The following LARS2 variants were observed in gnomAD, a reference collection of about 807,000 sequenced individuals.
LARS2 encodes leucine--tRNA ligase, mitochondrial.
Under a neutral mutation model 116.6 loss-of-function variants are expected in LARS2, and 81 were observed. That is an observed-to-expected ratio of 0.69 (90% CI 0.58 to 0.84). The LOEUF (loss-of-function observed/expected upper bound fraction) is 0.84, where lower values mean the gene tolerates loss of function less well. Among genes scored for constraint, LARS2 ranks in the 40% least tolerant of loss-of-function variants. The probability of loss-of-function intolerance (pLI) is 0.00; values close to 1 mark genes in which losing one functional copy is unlikely to be tolerated. For synonymous variants in LARS2, 396 were observed against 407.2 expected, an observed-to-expected ratio of 0.97 and a Z score of 0.33; for missense variants, 968 against 1,114.5, an observed-to-expected ratio of 0.87 and a Z score of 1.87.
intron 20 of LARS2, among the ~76,000 whole-genome samples, chr3:45,533,816 A>G (rs1315068157): frequency 6.6e-6 from 1 of 152,202 alleles, no homozygotes; most frequent in Non-Finnish European, 1.5e-5. Flanking sequence ...CCAACAGGAC[A>G]TGTTCTAAAG....
chr3:45,407,025 G>T (rs1332376414), intron 4 of LARS2, among the ~76,000 whole-genome samples: 1 of 152,166 alleles, frequency 6.6e-6, no homozygotes. Context: ...AAGGTGCCAA[G>T]TCCCCCTCAC....
intron 6 of LARS2, among the ~76,000 whole-genome samples, chr3:45,439,427 G>T (rs1192509620): frequency 6.6e-6 from 1 of 151,712 alleles, no homozygotes; most frequent in African/African-American, 2.4e-5. Context: ...CACAATGTTG[G>T]CCAGGCTGTT....
rs876657487 is a variant in LARS2 at position 45,518,085 on chromosome 3, C to G, written c.2214+13C>G. The stretch of plus-strand genomic sequence containing the variant: ...CGTCATCTCTCAGGTCAGAAACTCT[C>G]CAATTCCAGGGGTTAACTCTGTAAC... On this transcript the variant is annotated intron_variant, in intron 18 of 21. Transcript: ENST00000645846. 8 of 1,603,276 alleles carry G rather than the reference C, an allele frequency of 5.0e-6. No individual in the cohort carries two copies. The African/African-American group carries it at 1.1e-4, about 22-fold the overall frequency.
intron 14 of LARS2, among the ~76,000 whole-genome samples, chr3:45,496,854 CATT>C (rs1468224726): frequency 2.0e-5 from 3 of 152,230 alleles, no homozygotes; most frequent in Admixed American, 2.0e-4. Flanking sequence ...AGTGCTACAT[CATT>C]AAGTTAGATT....
At chr3:45,436,210 T>C (rs1339575682) in intron 6 of LARS2, among the ~76,000 whole-genome samples, 1 of 152,160 alleles carries the variant, frequency 6.6e-6, no homozygotes, top group African/African-American at 2.4e-5. Context: ...GATCCATGCC[T>C]GTGTCTAACA....
chr3:45,469,597 G>A (rs918601712), intron 8 of LARS2, among the ~76,000 whole-genome samples: 1 of 152,028 alleles, frequency 6.6e-6, no homozygotes, highest in African/African-American at 2.4e-5. Context: ...GCCCGCCTCG[G>A]CCTCCCAAAG....
chr3:45,414,317 AATTTACCAC>A (rs1478713570), intron 4 of LARS2, among the ~76,000 whole-genome samples: 1 of 152,226 alleles, frequency 6.6e-6, no homozygotes, highest in Non-Finnish European at 1.5e-5. Flanking sequence ...ATTAGATACA[AATTTACCAC>A]ATGTAACTGG....
chr3:45,420,832 C>T (rs1005702614), intron 6 of LARS2, among the ~76,000 whole-genome samples: 16 of 152,082 alleles, frequency 1.1e-4, no homozygotes, highest in South Asian at 8.3e-4. Flanking sequence ...GGAATATCAA[C>T]GATAAATGAC....
At position 45,417,489 on chromosome 3, in the gene LARS2, A is replaced by T. The variant is rs776171893; in HGVS notation, c.371A>T (p.Asn124Ile). 3 of 1,613,810 alleles carry T rather than the reference A, an allele frequency of 1.9e-6. No homozygotes were observed. The highest frequency in any genetic ancestry group is 2.5e-6 in the Non-Finnish European group (3 of 1,179,706). ...FQKMRGMQVI[N>I]PMGWDAFGLP... ...TCCTCTTCTGGGTCCTAGGTCATCA[A>T]CCCCATGGGATGGGATGCTTTTGGA... Residue 124 changes from asparagine (N) to isoleucine (I), a missense_variant, in exon 5 of 22, where the codon AAC (asparagine) becomes ATC (isoleucine). Coordinates refer to ENST00000645846, the MANE Select transcript of LARS2 (RefSeq NM_015340.4).
chr3:45,525,838 A>G (rs567372939), intron 20 of LARS2, among the ~76,000 whole-genome samples: 4 of 152,336 alleles, frequency 2.6e-5, no homozygotes, highest in Non-Finnish European at 4.4e-5. Context: ...CTGTCTTTCC[A>G]TTCTGGAATT....
At chr3:45,542,562 T>A (rs1700814630) in intron 21 of LARS2, among the ~76,000 whole-genome samples, 1 of 152,206 alleles carries the variant, frequency 6.6e-6, no homozygotes, top group Non-Finnish European at 1.5e-5. Flanking sequence ...AATATGCTGA[T>A]GTGTCTGAAG....
chr3:45,502,470 T>C (rs1700137010), intron 15 of LARS2, among the ~76,000 whole-genome samples: 1 of 152,126 alleles, frequency 6.6e-6, no homozygotes, highest in Non-Finnish European at 1.5e-5. Context: ...TTTTCCCCAC[T>C]GATCTGTAGT....
chr3:45,528,915 G>A (rs1473783082), intron 20 of LARS2, among the ~76,000 whole-genome samples: 1 of 150,856 alleles, frequency 6.6e-6, no homozygotes, highest in East Asian at 2.0e-4. Flanking sequence ...TGTTGCCTAG[G>A]CTGGAATGCA....
intron 6 of LARS2, among the ~76,000 whole-genome samples, chr3:45,444,709 A>ATT (rs1698988026): frequency 6.7e-6 from 1 of 148,540 alleles, no homozygotes; most frequent in South Asian, 2.1e-4. Context: ...TTGCTGTGTA[A>ATT]TTTTTACTCT....
At chr3:45,533,141 CTTTTTTTTTTTTT>C (rs3085466) in intron 20 of LARS2, among the ~76,000 whole-genome samples, 3 of 51,000 alleles carry the variant, frequency 5.9e-5, no homozygotes, top group African/African-American at 7.1e-5. Flanking sequence ...CACATTAAGT[CTTTTTTTTTTTTT>C]TTTTTTTTTT....
intron 6 of LARS2, among the ~76,000 whole-genome samples, chr3:45,420,331 C>T (rs981003439): frequency 6.6e-6 from 1 of 152,162 alleles, no homozygotes; most frequent in South Asian, 2.1e-4. Context: ...TGGCCCAAGG[C>T]CCACCCTTTA....
Position 45,537,128 on chromosome 3 carries a change from T to G in LARS2, c.2405-4701T>G, listed in dbSNP as rs1246725336. ...GTTATTTAAAATAAGTAAGATCTCC[T>G]TAACATTTCTGTTTCTCTGGCCATT... On this transcript the variant is annotated intron_variant, in intron 20 of 21. Coordinates refer to ENST00000645846, the MANE Select transcript of LARS2 (RefSeq NM_015340.4). Among the ~76,000 whole-genome samples the G allele has an allele frequency of 3.3e-5, 5 of 152,244 alleles. No individual in the cohort carries two copies. In the South Asian group the frequency reaches 8.3e-4, roughly 25 times the overall value.
intron 13 of LARS2, among the ~76,000 whole-genome samples, chr3:45,493,862 G>A (rs1446640067): frequency 6.6e-6 from 1 of 152,104 alleles, no homozygotes; most frequent in Non-Finnish European, 1.5e-5. Context: ...CATGGCAAAT[G>A]TTAGCCAGCT....
rs563846592 is a variant in LARS2, at chr3:45,527,534, G to A, written c.2404+3426G>A. Among the ~76,000 whole-genome samples the A allele has an allele frequency of 1.3e-4, 19 of 151,990 alleles. No homozygotes were observed. In the South Asian group the frequency reaches 3.7e-3, roughly 30 times the overall value. On this transcript the variant is annotated intron_variant, in intron 20 of 21. Coordinates refer to ENST00000645846, the MANE Select transcript of LARS2 (RefSeq NM_015340.4). ...AGCTACTCGAGAGGCTGAGGCAGGA[G>A]AATGGCATGAACCCAGGAGGTGGAG...
Sources: allele counts gnomAD v4.1 joint callset (sites outside exome capture counted in the v4.1 genomes callset), GRCh38; gene constraint gnomAD v4.1.1; transcripts MANE v1.5; gene names NCBI Gene and HGNC (gene_info 2026-07-23, HGNC 2026-07-21).